Variants in SLC30A8 observed in about 807,000 individuals in gnomAD.
SLC30A8 encodes proton-coupled zinc antiporter SLC30A8.
Under a neutral mutation model 36.9 loss-of-function variants are expected in SLC30A8, and 27 were observed. The observed-to-expected ratio is 0.73, with a 90% CI of 0.54 to 1.01. The LOEUF (loss-of-function observed/expected upper bound fraction) is 1.01. Among genes scored for constraint, SLC30A8 ranks in the 50% least tolerant of loss-of-function variants. The probability of loss-of-function intolerance (pLI) is 0.00; values close to 1 mark genes in which losing one functional copy is unlikely to be tolerated. For synonymous variants in SLC30A8, 164 were observed against 172.4 expected, an observed-to-expected ratio of 0.95 and a Z score of 0.38; for missense variants, 439 against 452.0, an observed-to-expected ratio of 0.97 and a Z score of 0.26.
At chr8:117,117,117 T>C (rs1820475212) in intron 2 of SLC30A8, among the ~76,000 whole-genome samples, 1 of 151,928 alleles carries the variant, frequency 6.6e-6, no homozygotes, top group Non-Finnish European at 1.5e-5. Context: ...TTTAGAATAA[T>C]TTATCTTTAT....
intron 1 of SLC30A8, among the ~76,000 whole-genome samples, chr8:116,967,015 C>CA (rs1413015832): frequency 1.3e-5 from 2 of 152,166 alleles, no homozygotes; most frequent in Non-Finnish European, 2.9e-5. Flanking sequence ...TCTGACTTTT[C>CA]AGCTGCTTCT....
At chr8:117,104,420 C>T (rs547219971) in intron 2 of SLC30A8, among the ~76,000 whole-genome samples, 5 of 152,274 alleles carry the variant, frequency 3.3e-5, no homozygotes, top group South Asian at 2.1e-4. Flanking sequence ...ATCACCTTTC[C>T]TCCAGTTTTC....
chr8:117,066,130 A>G (rs1818162297), intron 2 of SLC30A8, among the ~76,000 whole-genome samples: 2 of 152,170 alleles, frequency 1.3e-5, no homozygotes, highest in Admixed American at 6.5e-5. Context: ...TCAACTTCCA[A>G]TGGGGAAAAA....
chr8:116,985,291 C>T (rs1333351434), intron 1 of SLC30A8, among the ~76,000 whole-genome samples: 1 of 110,954 alleles, frequency 9.0e-6, no homozygotes, highest in African/African-American at 3.9e-5. Flanking sequence ...TGCTCACACA[C>T]ATACACACAC....
intron 6 of SLC30A8, among the ~76,000 whole-genome samples, chr8:117,167,402 ACTTCT>A (rs1823111786): frequency 6.6e-6 from 1 of 151,900 alleles, no homozygotes; most frequent in South Asian, 2.1e-4. Context: ...TCCGTCTTTG[ACTTCT>A]CAGTCCTATT....
chr8:117,042,181 T>C (rs1817406635), intron 2 of SLC30A8, among the ~76,000 whole-genome samples: 1 of 152,230 alleles, frequency 6.6e-6, no homozygotes, highest in African/African-American at 2.4e-5. Flanking sequence ...TCAAAGACAT[T>C]ATGATGTCTT....
intron 2 of SLC30A8, among the ~76,000 whole-genome samples, chr8:117,149,170 T>C (rs938966212): frequency 3.3e-5 from 5 of 152,246 alleles, no homozygotes; most frequent in Non-Finnish European, 7.3e-5. Flanking sequence ...GTTAATGAAA[T>C]GTTTCTTTGT....
chr8:116,991,984 A>G (rs1467764569), intron 1 of SLC30A8, among the ~76,000 whole-genome samples: 1 of 152,146 alleles, frequency 6.6e-6, no homozygotes, highest in Non-Finnish European at 1.5e-5. Flanking sequence ...GCTCTTCAAC[A>G]GTTGTGAAAT....
intron 2 of SLC30A8, among the ~76,000 whole-genome samples, chr8:117,128,232 C>A (rs567400576): frequency 6.6e-6 from 1 of 152,190 alleles, no homozygotes; most frequent in East Asian, 1.9e-4. Context: ...TGGGCATGCA[C>A]TTGCTGACTT....
intron 2 of SLC30A8, among the ~76,000 whole-genome samples, chr8:117,101,424 T>A (rs1289028772): frequency 6.6e-6 from 1 of 152,182 alleles, no homozygotes; most frequent in Non-Finnish European, 1.5e-5. Flanking sequence ...TTAACTCAGT[T>A]GGCTCAGATG....
chr8:117,020,269 C>T (rs1816658184), intron 1 of SLC30A8, among the ~76,000 whole-genome samples: 1 of 152,038 alleles, frequency 6.6e-6, no homozygotes, highest in Non-Finnish European at 1.5e-5. Context: ...TAGGCCCATT[C>T]TACAATGAAA....
At chr8:117,121,040 C>T (rs975525519) in intron 2 of SLC30A8, among the ~76,000 whole-genome samples, 1 of 151,704 alleles carries the variant, frequency 6.6e-6, no homozygotes, top group East Asian at 1.9e-4. Context: ...CTCACAGTCA[C>T]TGGGAATGTA....
intron 2 of SLC30A8, among the ~76,000 whole-genome samples, chr8:117,057,039 A>G (rs1817893347): frequency 6.6e-6 from 1 of 152,190 alleles, no homozygotes; most frequent in Non-Finnish European, 1.5e-5. Context: ...CTATAACAAA[A>G]TACCATAAAC....
intron 1 of SLC30A8, among the ~76,000 whole-genome samples, chr8:116,974,164 G>A (rs967482714): frequency 3.7e-4 from 57 of 152,220 alleles, no homozygotes; most frequent in African/African-American, 1.4e-3. Flanking sequence ...AAAAACAATG[G>A]CAACAAAAGC....
chr8:117,097,417 AAATAT>A (rs1819432615), intron 2 of SLC30A8, among the ~76,000 whole-genome samples: 4 of 96,808 alleles, frequency 4.1e-5, no homozygotes, highest in South Asian at 2.5e-4. Context: ...AAAAAAAAAA[AAATAT>A]ATATAAATAT....
intron 2 of SLC30A8, among the ~76,000 whole-genome samples, chr8:117,070,835 T>C (rs1818308442): frequency 6.6e-6 from 1 of 152,204 alleles, no homozygotes; most frequent in Non-Finnish European, 1.5e-5. Context: ...GATCATGCAG[T>C]ATTTGTCTTT....
At chr8:117,031,487 T>G (rs1419652518) in intron 1 of SLC30A8, among the ~76,000 whole-genome samples, 1 of 151,824 alleles carries the variant, frequency 6.6e-6, no homozygotes, top group Admixed American at 6.6e-5. Context: ...TTAATGGAGT[T>G]TCACTCTTGT....
intron 1 of SLC30A8, among the ~76,000 whole-genome samples, chr8:116,993,574 AC>A (rs1490717675): frequency 2.0e-5 from 3 of 152,036 alleles, no homozygotes; most frequent in Non-Finnish European, 4.4e-5. Context: ...AAACCTAATC[AC>A]CAAAATTATT....
intron 1 of SLC30A8, among the ~76,000 whole-genome samples, chr8:116,980,429 C>T (rs1259449202): frequency 6.6e-6 from 1 of 152,118 alleles, no homozygotes. Context: ...GCTTTAATCT[C>T]ATCCCACAGG....
Sources: gnomAD v4.1 joint callset for allele counts (sites outside exome capture counted in the v4.1 genomes callset) on GRCh38, gnomAD v4.1.1 for gene constraint, MANE v1.5 for transcripts, NCBI Gene and HGNC (gene_info 2026-07-23, HGNC 2026-07-21) for gene names.